The following TMLHE variants were observed in gnomAD, a reference collection of about 807,000 sequenced individuals.
TMLHE encodes trimethyllysine dioxygenase, mitochondrial.
TMLHE carries 18 observed loss-of-function variants against 25.7 expected under a neutral mutation model. The ratio of observed to expected loss-of-function variants is 0.70; its 90% confidence interval spans 0.48 to 1.04. TMLHE has a LOEUF of 1.04. TMLHE is among the 50% of genes least tolerant of loss of function. TMLHE has a pLI of 0.00. For missense variants in TMLHE, 236 were observed against 259.0 expected (o/e 0.91, Z 0.61); for synonymous variants, 105 against 97.0 (o/e 1.08, Z -0.49).
At chrX:155,541,035 CTTTA>C (rs1476278596) in intron 2 of TMLHE, among the ~76,000 whole-genome samples, 2 of 110,305 alleles carry the variant, frequency 1.8e-5, no homozygotes. Context: ...AAAAAATTCC[CTTTA>C]TTTATTTTAT....
At chrX:155,524,865 C>A (rs2067209817) in intron 2 of TMLHE, among the ~76,000 whole-genome samples, 1 of 110,939 alleles carries the variant, frequency 9.0e-6, no homozygotes, top group Admixed American at 9.6e-5. Flanking sequence ...CAGAAATATA[C>A]CCAAATGCAT....
At chrX:155,507,947 T>TAC (rs1557332913) in intron 5 of TMLHE, among the ~76,000 whole-genome samples, 1 of 111,158 alleles carries the variant, frequency 9.0e-6, no homozygotes, top group African/African-American at 3.3e-5. Flanking sequence ...ACCTGAGAGA[T>TAC]ACCGAGATAG....
chrX:155,515,301 T>A lies in TMLHE; in HGVS notation c.359-1036A>T, dbSNP rs926388685. On this transcript the variant is annotated intron_variant, in intron 3 of 7. Coordinates refer to ENST00000334398, the MANE Select transcript of TMLHE (RefSeq NM_018196.4). ...AATTTTTAAAATTAAATTTTATCAT[T>A]TTAAAAATTCAACCTTCATTAAAAT... Among the ~76,000 whole-genome samples the A allele has an allele frequency of 2.0e-4, 22 of 111,201 alleles. No individual in the cohort carries two copies. In the Admixed American group the frequency reaches 2.1e-3, roughly 11 times the overall value.
intron 1 of TMLHE, among the ~76,000 whole-genome samples, chrX:155,558,851 ATTCAT>A (rs2067476121): frequency 8.9e-6 from 1 of 111,801 alleles, no homozygotes; most frequent in Admixed American, 9.5e-5. Flanking sequence ...AATTTCATTC[ATTCAT>A]TTAAGATATG....
chrX:155,576,262 G>C (rs1385736940), intron 1 of TMLHE, among the ~76,000 whole-genome samples: 9 of 111,062 alleles, frequency 8.1e-5, no homozygotes, highest in African/African-American at 2.9e-4. Context: ...ATTCACAACA[G>C]CCACAAGAAG....
chrX:155,535,433 G>GA (rs1294371170), intron 2 of TMLHE, among the ~76,000 whole-genome samples: 43 of 111,720 alleles, frequency 3.8e-4, no homozygotes, highest in Admixed American at 1.7e-3. Context: ...AAATGATAGA[G>GA]ATAGAATGTG....
At chrX:155,554,621 A>C (rs949437032) in intron 1 of TMLHE, among the ~76,000 whole-genome samples, 4 of 105,865 alleles carry the variant, frequency 3.8e-5, no homozygotes, top group African/African-American at 1.4e-4. Context: ...TTATTTATTT[A>C]TTCTGCTTCG....
At chrX:155,594,397 A>G (rs2067710023) in intron 1 of TMLHE, among the ~76,000 whole-genome samples, 1 of 111,733 alleles carries the variant, frequency 8.9e-6, no homozygotes, top group African/African-American at 3.3e-5. Context: ...AAAAGAAAAA[A>G]ATGAGGGAGA....
At chrX:155,590,163 TG>T (rs1422506491) in intron 1 of TMLHE, among the ~76,000 whole-genome samples, 1 of 112,317 alleles carries the variant, frequency 8.9e-6, no homozygotes, top group African/African-American at 3.2e-5. Context: ...ATATAAAACA[TG>T]GTACATACGT....
intron 1 of TMLHE, among the ~76,000 whole-genome samples, chrX:155,563,924 C>T: frequency 1.6e-5 from 1 of 61,883 alleles, no homozygotes. Flanking sequence ...TGCCTTATTA[C>T]AAGAAAATGT....
chrX:155,592,282 A>G (rs1416589891), intron 1 of TMLHE, among the ~76,000 whole-genome samples: 1 of 111,766 alleles, frequency 8.9e-6, no homozygotes. Flanking sequence ...TGGTGACTAT[A>G]TTTGATAACA....
chrX:155,546,893 G>A (rs1462422605), intron 1 of TMLHE, among the ~76,000 whole-genome samples: 5 of 111,113 alleles, frequency 4.5e-5, no homozygotes, highest in Non-Finnish European at 7.5e-5. Context: ...TTAAGGAGTT[G>A]TAAAGAAAAA....
At position 155,565,245 on chromosome X, in the gene TMLHE, G is replaced by A. The variant is rs1246455259; in HGVS notation, c.-1-19968C>T. ...GGCAGTGACAACTGTGGCCTTTGGT[G>A]AGAGACAATAATATCAGGCAGGGCA... On this transcript the variant is annotated intron_variant, in intron 1 of 7. Coordinates refer to ENST00000334398, the MANE Select transcript of TMLHE (RefSeq NM_018196.4). 1.1e-4 allele frequency among the ~76,000 whole-genome samples: 7 copies of A among 61,991 alleles called. 2 individuals are homozygous for A. The highest frequency in any genetic ancestry group is 3.2e-4 in the Non-Finnish European group (7 of 22,143). The allele number at this position is 61,991 out of a possible 115,157, so 53.8% of individuals were successfully genotyped here.
At chrX:155,568,272 C>T (rs782731779) in intron 1 of TMLHE, among the ~76,000 whole-genome samples, 1 of 61,547 alleles carries the variant, frequency 1.6e-5, no homozygotes, top group East Asian at 7.3e-4. Context: ...AAGGCAGCAG[C>T]GAGGCTGGGG....
intron 1 of TMLHE, among the ~76,000 whole-genome samples, chrX:155,586,347 C>A (rs782042034): frequency 1.8e-5 from 2 of 110,916 alleles, no homozygotes; most frequent in African/African-American, 6.6e-5. Context: ...ACAACACATA[C>A]GCAAAAGTAC....
intron 1 of TMLHE, among the ~76,000 whole-genome samples, chrX:155,604,098 CT>C (rs1462908893): frequency 1.8e-5 from 2 of 111,716 alleles, no homozygotes; most frequent in East Asian, 5.7e-4. Flanking sequence ...CTCCAACCCC[CT>C]GGTCTTCACC....
intron 1 of TMLHE, among the ~76,000 whole-genome samples, chrX:155,589,835 C>G (rs975358370): frequency 8.9e-6 from 1 of 111,769 alleles, no homozygotes; most frequent in Admixed American, 9.5e-5. Context: ...GATGGATACC[C>G]CAAATACCCT....
At chrX:155,530,372 A>T (rs932754067) in intron 2 of TMLHE, among the ~76,000 whole-genome samples, 1 of 111,473 alleles carries the variant, frequency 9.0e-6, no homozygotes, top group African/African-American at 3.3e-5. Context: ...AAAAAAAGTC[A>T]AATAAATATA....
intron 1 of TMLHE, among the ~76,000 whole-genome samples, chrX:155,583,881 TA>T (rs1228458594): frequency 9.0e-6 from 1 of 111,096 alleles, no homozygotes; most frequent in Non-Finnish European, 1.9e-5. Flanking sequence ...ATGGTTACCC[TA>T]AAATCCCAGA....
Sources: allele counts gnomAD v4.1 joint callset (sites outside exome capture counted in the v4.1 genomes callset), GRCh38; gene constraint gnomAD v4.1.1; transcripts MANE v1.5; gene names NCBI Gene and HGNC (gene_info 2026-07-23, HGNC 2026-07-21).